Variants in SPTB observed in about 807,000 individuals in gnomAD.
SPTB encodes the protein spectrin beta chain, erythrocytic.
A neutral mutation model predicts 256.2 loss-of-function variants in SPTB; 45 were observed. That is an observed-to-expected ratio of 0.18 (90% CI 0.14 to 0.23). SPTB has a LOEUF of 0.23. SPTB is among the 10% of genes least tolerant of loss of function. The pLI is 1.00. For missense variants in SPTB, 2,715 were observed against 3,040.4 expected (o/e 0.89, Z 2.52); for synonymous variants, 1,231 against 1,243.1 (o/e 0.99, Z 0.21).
intron 2 of SPTB, among the ~76,000 whole-genome samples, chr14:64,820,847 T>C (rs2083274043): frequency 6.6e-6 from 1 of 152,090 alleles, no homozygotes; most frequent in South Asian, 2.1e-4. Context: ...TTTCTTTTTT[T>C]TTTGGATTTT....
chr14:64,803,590 A>AC lies in SPTB; in HGVS notation c.474+16dup, dbSNP rs774911028. ...CTTGAGGGCTCCCTCGACTTCCTCT[A>AC]CCCCCCAGGAACCCACCTGGAAGCG... On this transcript the variant is annotated intron_variant, in intron 4 of 35. Coordinates refer to ENST00000644917, the MANE Select transcript of SPTB (RefSeq NM_001355436.2). The AC allele has an allele frequency of 6.2e-7, 1 of 1,613,658 alleles. No homozygotes were observed. Among genetic ancestry groups the AC allele is most frequent in the Non-Finnish European group, 8.5e-7 (1 of 1,179,944 alleles).
At chr14:64,776,712 G>A (rs1347662930) in intron 22 of SPTB, among the ~76,000 whole-genome samples, 1 of 152,220 alleles carries the variant, frequency 6.6e-6, no homozygotes, top group Non-Finnish European at 1.5e-5. Context: ...AAAGTGCTGG[G>A]ATTACGGGTG....
intron 2 of SPTB, among the ~76,000 whole-genome samples, chr14:64,810,221 A>G (rs2083062269): frequency 6.6e-6 from 1 of 152,246 alleles, no homozygotes; most frequent in African/African-American, 2.4e-5. Context: ...AATGGCTGAT[A>G]CAGGTGGCAT....
chr14:64,865,483 G>A (rs1275901248), intron 1 of SPTB, among the ~76,000 whole-genome samples: 1 of 152,080 alleles, frequency 6.6e-6, no homozygotes, highest in Non-Finnish European at 1.5e-5. Flanking sequence ...CACCTGGACT[G>A]AAAGCTTCAC....
At chr14:64,810,649 C>T (rs1286264275) in intron 2 of SPTB, among the ~76,000 whole-genome samples, 1 of 152,206 alleles carries the variant, frequency 6.6e-6, no homozygotes, top group Non-Finnish European at 1.5e-5. Context: ...CACTGTGCTC[C>T]AGCCTGGGTG....
intron 1 of SPTB, among the ~76,000 whole-genome samples, chr14:64,848,998 T>G (rs1319265008): frequency 6.6e-6 from 1 of 152,210 alleles, no homozygotes; most frequent in Non-Finnish European, 1.5e-5. Context: ...TCATAATCCC[T>G]TATTTGCAAC....
chr14:64,803,761 T>A lies in SPTB; in HGVS notation c.320A>T (p.Lys107Met). The change falls in exon 4 of 36, where the codon AAG (lysine) becomes ATG (methionine). Residue 107 changes from lysine (K) to methionine (M), a missense_variant. Physicochemically the swap from Lys to Met is moderately conservative, Grantham distance 95 (BLOSUM62 -1). Transcript: ENST00000644917. ...GEMLPKPTKG[K>M]MRIHCLENVD... ...ATTCTCCAGGCAGTGGATGCGCATCTTCCCCTTGGTGGGCTTTGGCTGGGG... is the reference window on the plus strand; with the variant it reads ...ATTCTCCAGGCAGTGGATGCGCATCATCCCCTTGGTGGGCTTTGGCTGGGG... 1 of 1,612,798 alleles carries A rather than the reference T, an allele frequency of 6.2e-7. No homozygotes were observed.
Position 64,852,541 on chromosome 14 carries a change from G to C in SPTB, c.-52+27251C>G, listed in dbSNP as rs2083804845. On this transcript the variant is annotated intron_variant, in intron 1 of 35. Transcript: ENST00000644917. This position sits in a 1 kb window ranked among gnomAD's most constrained non-coding sequence, Gnocchi z 4.2. Reference sequence around the variant, plus strand: ...GGGAACTGATTAGGATGTCACTGCAGTAACTGAGACAAGAGACGGTGTGGG... The same window carrying C: ...GGGAACTGATTAGGATGTCACTGCACTAACTGAGACAAGAGACGGTGTGGG... Among the ~76,000 whole-genome samples the C allele has an allele frequency of 6.6e-6, 1 of 152,202 alleles. No homozygotes were observed.
At chr14:64,874,817 CA>C (rs1441228280) in intron 1 of SPTB, among the ~76,000 whole-genome samples, 2 of 152,170 alleles carry the variant, frequency 1.3e-5, no homozygotes, top group Non-Finnish European at 1.5e-5. Flanking sequence ...CTCCTTTTCA[CA>C]ATGGTGGAAA....
At position 64,797,756 on chromosome 14, in the gene SPTB, A is replaced by G; in HGVS notation, c.1155T>C (p.Asp385=). The G allele has an allele frequency of 6.2e-7, 1 of 1,613,998 alleles. No homozygotes were observed. Among genetic ancestry groups the G allele is most frequent in the Non-Finnish European group, 8.5e-7 (1 of 1,179,864 alleles). The change falls in exon 10 of 36, where the codon GAT becomes GAC. Residue 385 remains aspartate (D), a synonymous_variant. Coordinates refer to ENST00000644917, the MANE Select transcript of SPTB (RefSeq NM_001355436.2). The part of the protein sequence containing the change: ...ANNQKVYTPH[D]GKLVSDINRA... ...TGTTGATGTCAGACACTAGTTTCCC[A>G]TCGTGGGGTGTGTACACTTTCTGAT...
intron 32 of SPTB, among the ~76,000 whole-genome samples, chr14:64,763,024 G>C (rs1005326343): frequency 2.6e-5 from 4 of 152,252 alleles, no homozygotes; most frequent in African/African-American, 9.6e-5. Flanking sequence ...ATCAGGCACA[G>C]TGGACAGGAA....
chr14:64,800,157 G>A lies in SPTB; in HGVS notation c.877-223C>T, dbSNP rs561507087. 1.8e-4 allele frequency among the ~76,000 whole-genome samples: 27 copies of A among 152,366 alleles called. 1 individual carries two copies. In the East Asian group the frequency reaches 5.0e-3, roughly 28 times the overall value. ...CCTCTTGCCAATCGGCAGCGAGCTG[G>A]CCTGTTAAGGGTTGGGTGCAGTTCC... On this transcript the variant is annotated intron_variant, in intron 8 of 35. Transcript: ENST00000644917.
intron 1 of SPTB, among the ~76,000 whole-genome samples, chr14:64,849,439 T>C (rs1488182394): frequency 6.6e-6 from 1 of 152,244 alleles, no homozygotes; most frequent in African/African-American, 2.4e-5. Context: ...TATATTAACC[T>C]AGTCCCTTCA....
intron 1 of SPTB, among the ~76,000 whole-genome samples, chr14:64,859,728 A>G (rs868062558): frequency 1.5e-5 from 2 of 132,260 alleles, no homozygotes; most frequent in African/African-American, 6.4e-5. Context: ...CTCTATATAT[A>G]TATATATATG....
Position 64,853,178 on chromosome 14 carries a change from T to C in SPTB, c.-52+26614A>G, listed in dbSNP as rs2083813686. Among the ~76,000 whole-genome samples, 1 of 152,122 alleles carries C rather than the reference T, an allele frequency of 6.6e-6. No homozygotes were observed. The highest frequency in any genetic ancestry group is 1.5e-5 in the Non-Finnish European group (1 of 68,038). ...CATGGGATATCTGGGTGGAAATGCT[T>C]AACCTGAGGCTGGGTACCCAAGTCC... is the stretch of plus-strand genomic sequence containing the variant. On this transcript the variant is annotated intron_variant, in intron 1 of 35. Transcript: ENST00000644917. The surrounding 1 kb of genome is among the most constrained non-coding windows in gnomAD (Gnocchi z 4.3).
chr14:64,876,054 T>A (rs1404844844), intron 1 of SPTB, among the ~76,000 whole-genome samples: 1 of 152,106 alleles, frequency 6.6e-6, no homozygotes, highest in Non-Finnish European at 1.5e-5. Context: ...CCTCTCTAAC[T>A]CCCTGGCTCA....
Position 64,749,148 on chromosome 14 carries a change from G to A in SPTB, c.*158C>T. 1.2e-6 allele frequency: 1 copy of A among 825,280 alleles called. No homozygotes were observed. The allele number at this position is 825,280 out of a possible 1,614,324, so 51.1% of individuals were successfully genotyped here. A position where few individuals can be genotyped will look rare whatever the true frequency, so the allele number is the denominator to read the frequency against. ...GGGGGCGTCGGCCCAGGACACGCGGGCGAAGGCAGCTTTTGCAGTGCAGCG... is the reference window on the plus strand; with the variant it reads ...GGGGGCGTCGGCCCAGGACACGCGGACGAAGGCAGCTTTTGCAGTGCAGCG... On this transcript the variant is annotated 3_prime_UTR_variant, in exon 36 of 36. Coordinates refer to ENST00000644917, the MANE Select transcript of SPTB (RefSeq NM_001355436.2). This position sits in a 1 kb window ranked among gnomAD's most constrained non-coding sequence, Gnocchi z 4.7.
At chr14:64,855,580 A>G (rs2139786759) in intron 1 of SPTB, among the ~76,000 whole-genome samples, 1 of 144,720 alleles carries the variant, frequency 6.9e-6, no homozygotes, top group Non-Finnish European at 1.5e-5. Context: ...GCTCAAGCAA[A>G]CCTCCCACCT....
At chr14:64,846,656 A>T (rs1044179391) in intron 1 of SPTB, among the ~76,000 whole-genome samples, 1 of 152,220 alleles carries the variant, frequency 6.6e-6, no homozygotes, top group African/African-American at 2.4e-5. Flanking sequence ...GGAACTCATG[A>T]TCTCATTACA....
Sources: gnomAD v4.1 joint callset for allele counts (sites outside exome capture counted in the v4.1 genomes callset) on GRCh38, gnomAD v4.1.1 for gene constraint, Gnocchi (gnomAD v3.1) non-coding constraint, MANE v1.5 for transcripts, NCBI Gene and HGNC (gene_info 2026-07-23, HGNC 2026-07-21) for gene names.